NRK: variants seen among roughly 807,000 people sequenced by gnomAD.
NRK encodes Nik related kinase, also known as nik-related protein kinase.
Under a neutral mutation model 125.2 loss-of-function variants are expected in NRK, and 67 were observed. That is an observed-to-expected ratio of 0.54 (90% CI 0.44 to 0.66). The LOEUF (loss-of-function observed/expected upper bound fraction) is 0.66. NRK is among the 30% of genes least tolerant of loss of function. NRK has a pLI of 0.00. For missense variants in NRK, 1,224 were observed against 1,192.9 expected, an observed-to-expected ratio of 1.03 and a Z score of -0.38; for synonymous variants, 458 against 429.0, an observed-to-expected ratio of 1.07 and a Z score of -0.84.
At chrX:105,920,281 G>C (rs1324848498) in intron 16 of NRK, among the ~76,000 whole-genome samples, 2 of 107,893 alleles carry the variant, frequency 1.9e-5, no homozygotes, top group Admixed American at 9.8e-5. Flanking sequence ...GTACCATGCT[G>C]TTTTGGTTAC....
intron 19 of NRK, among the ~76,000 whole-genome samples, chrX:105,932,365 A>G (rs944161816): frequency 8.9e-6 from 1 of 111,968 alleles, no homozygotes; most frequent in African/African-American, 3.3e-5. Context: ...GCATTGCTAT[A>G]TCATGTAATC....
At chrX:105,868,974 AC>A (rs1226312727) in intron 2 of NRK, among the ~76,000 whole-genome samples, 1 of 110,205 alleles carries the variant, frequency 9.1e-6, no homozygotes. Flanking sequence ...ATTAAAAAAA[AC>A]ACACACACAC....
At chrX:105,882,982 G>A (rs981247445) in intron 4 of NRK, among the ~76,000 whole-genome samples, 3 of 112,332 alleles carry the variant, frequency 2.7e-5, no homozygotes, top group African/African-American at 9.7e-5. Flanking sequence ...TCTAGAATTG[G>A]ATGAAATTAC....
intron 13 of NRK, among the ~76,000 whole-genome samples, chrX:105,910,373 A>G (rs2040282972): frequency 8.9e-6 from 1 of 112,561 alleles, no homozygotes; most frequent in African/African-American, 3.2e-5. Flanking sequence ...ATCAAGGTTA[A>G]AATGAGAAGG....
At chrX:105,943,758 A>G (rs1367922844) in intron 23 of NRK, among the ~76,000 whole-genome samples, 183 bp from the exon 24 acceptor site, 5 of 112,282 alleles carry the variant, frequency 4.5e-5, no homozygotes, top group Non-Finnish European at 9.4e-5. Flanking sequence ...TGTATACTCC[A>G]TAAAACTATA....
chrX:105,850,191 G>A (rs979965725), intron 2 of NRK, among the ~76,000 whole-genome samples: 3 of 112,655 alleles, frequency 2.7e-5, no homozygotes, highest in Non-Finnish European at 5.6e-5. Context: ...AAGATGCAAA[G>A]GCTTGGGGCT....
chrX:105,841,319 A>G (rs1172836677), intron 2 of NRK, among the ~76,000 whole-genome samples: 1 of 111,752 alleles, frequency 8.9e-6, no homozygotes, highest in African/African-American at 3.2e-5. Context: ...AAAAGACATA[A>G]ACAGATTTTT....
intron 2 of NRK, among the ~76,000 whole-genome samples, chrX:105,851,356 T>G (rs1416972945): frequency 8.9e-6 from 1 of 111,775 alleles, no homozygotes; most frequent in Non-Finnish European, 1.9e-5. Context: ...GGTGAAAAAA[T>G]TACGCATATG....
At chrX:105,825,411 T>A (rs2039079247) in intron 1 of NRK, among the ~76,000 whole-genome samples, 1 of 111,978 alleles carries the variant, frequency 8.9e-6, no homozygotes, top group African/African-American at 3.2e-5. Context: ...ATTCAAACAT[T>A]GGAGTTGCAA....
At chrX:105,928,935 G>C (rs2040559280) in intron 19 of NRK, among the ~76,000 whole-genome samples, 2 of 111,631 alleles carry the variant, frequency 1.8e-5, no homozygotes, top group East Asian at 5.6e-4. Flanking sequence ...TTCATGTGCT[G>C]ATGAAAATAA....
chrX:105,824,175 G>T (rs1466020392), intron 1 of NRK, among the ~76,000 whole-genome samples: 2 of 111,799 alleles, frequency 1.8e-5, no homozygotes, highest in African/African-American at 6.5e-5. Context: ...TTGAATTACA[G>T]ATATTAGTGT....
Position 105,906,764 on chromosome X carries a change from CGTGTGTGTGTGT to C in NRK, c.1021+208_1021+219del, listed in dbSNP as rs61655627. Among the ~76,000 whole-genome samples, 65 of 87,532 alleles carry C rather than the reference CGTGTGTGTGTGT, an allele frequency of 7.4e-4. No homozygotes were observed. In the East Asian group the frequency reaches 0.014, roughly 19 times the overall value. 76.0% of individuals were successfully genotyped at this position (87,532 alleles called of 115,157 possible). ...TGTGCTCTTATTTAATTTTCTCTTG[CGTGTGTGTGTGT>C]GTGTGTGTGTGTGTGTGTGTGTGTG... On this transcript the variant is annotated intron_variant, in intron 11 of 28. Coordinates refer to ENST00000243300, the MANE Select transcript of NRK (RefSeq NM_198465.4).
At chrX:105,895,043 A>C in intron 6 of NRK, among the ~76,000 whole-genome samples, 1 of 112,219 alleles carries the variant, frequency 8.9e-6, no homozygotes, top group South Asian at 3.7e-4. Context: ...TTTTGGACTA[A>C]ACAAATGGTT....
chrX:105,826,401 A>ATATAT (rs773137605), intron 1 of NRK, among the ~76,000 whole-genome samples: 33 of 77,847 alleles, frequency 4.2e-4, no homozygotes, highest in African/African-American at 1.6e-3. Context: ...ATATATATAT[A>ATATAT]ATATATATAT....
chrX:105,828,480 A>G (rs766239058), intron 1 of NRK, among the ~76,000 whole-genome samples: 2 of 111,985 alleles, frequency 1.8e-5, no homozygotes, highest in East Asian at 5.6e-4. Context: ...GAAATTTAAG[A>G]CTGTGCTCAA....
Position 105,944,017 on chromosome X carries a change from C to T in NRK, c.4035C>T (p.Ser1345=). Residue 1345 remains serine (S), a synonymous_variant, in exon 24 of 29, where the codon TCC becomes TCT. Coordinates refer to ENST00000243300, the MANE Select transcript of NRK (RefSeq NM_198465.4). The stretch of plus-strand genomic sequence containing the variant: ...ACCTTTATGCATGGGCACCAAAGTC[C>T]TTTGATGAAAGCACTGCTATTAAAG... The part of the protein sequence containing the change: ...SIHLYAWAPK[S]FDESTAIKVC... 1 of 1,143,370 alleles carries T rather than the reference C, an allele frequency of 8.7e-7. No homozygotes were observed. Among genetic ancestry groups the T allele is most frequent in the Non-Finnish European group, 1.2e-6 (1 of 839,645 alleles). 94.2% of individuals were successfully genotyped at this position (1,143,370 alleles called of 1,213,427 possible). A position where few individuals can be genotyped will look rare whatever the true frequency, so the allele number is the denominator to read the frequency against.
intron 14 of NRK, among the ~76,000 whole-genome samples, chrX:105,915,288 T>A (rs777111896): frequency 5.4e-5 from 6 of 110,608 alleles, no homozygotes; most frequent in Non-Finnish European, 1.1e-4. Flanking sequence ...AAAGGATGAG[T>A]GTATAAGAAT....
chrX:105,908,354 G>A (rs1416188210), intron 12 of NRK, 51 bp downstream of exon 12: 3 of 626,004 alleles, frequency 4.8e-6, no homozygotes, highest in Non-Finnish European at 4.8e-6. Context: ...TTCACATAAG[G>A]CCGTTGATTC....
At chrX:105,856,359 T>G (rs2039531945) in intron 2 of NRK, among the ~76,000 whole-genome samples, 1 of 112,155 alleles carries the variant, frequency 8.9e-6, no homozygotes, top group East Asian at 2.8e-4. Context: ...CATTTTAGTT[T>G]ATTATGTCAT....
Sources: allele counts gnomAD v4.1 joint callset (sites outside exome capture counted in the v4.1 genomes callset), GRCh38; gene constraint gnomAD v4.1.1; transcripts MANE v1.5; gene names NCBI Gene and HGNC (gene_info 2026-07-23, HGNC 2026-07-21).